Variants in SPDYE10 observed in about 807,000 individuals in gnomAD.
SPDYE10 encodes the protein speedy protein E10.
the SPDYE10 span, among the ~76,000 whole-genome samples, chr7:73,113,710 A>G: frequency 6.6e-6 from 1 of 152,072 alleles, no homozygotes; most frequent in African/African-American, 2.4e-5. Flanking sequence ...CCTGGCCAAC[A>G]TGGTGAAACC....
the SPDYE10 span, among the ~76,000 whole-genome samples, chr7:73,123,130 C>G: frequency 6.6e-6 from 1 of 152,166 alleles, no homozygotes; most frequent in African/African-American, 2.4e-5. Context: ...AATAGGAACT[C>G]TGGCTTCTGG....
chr7:73,134,413 C>G, the SPDYE10 span, among the ~76,000 whole-genome samples: 1 of 149,924 alleles, frequency 6.7e-6, no homozygotes, highest in Non-Finnish European at 1.5e-5. Context: ...GGAGATATAC[C>G]CAATGTAAAT....
chr7:73,127,638 TAAAA>T, the SPDYE10 span, among the ~76,000 whole-genome samples: 1 of 64,358 alleles, frequency 1.6e-5, no homozygotes, highest in African/African-American at 4.9e-5. Flanking sequence ...GGAAGACAAT[TAAAA>T]AAAAAAAAAA....
the SPDYE10 span, among the ~76,000 whole-genome samples, chr7:73,124,108 T>A: frequency 6.8e-5 from 10 of 148,012 alleles, no homozygotes; most frequent in South Asian, 1.9e-3. Context: ...GCAGCCTTCC[T>A]GTCCATATCT....
chr7:73,127,455 A>G, the SPDYE10 span, among the ~76,000 whole-genome samples: 1 of 111,216 alleles, frequency 9.0e-6, no homozygotes, highest in Admixed American at 9.0e-5. Context: ...GCTGCTTGGG[A>G]GGCTGAGGCA....
chr7:73,151,986 CTTTT>C, the SPDYE10 span, among the ~76,000 whole-genome samples: 1 of 134,082 alleles, frequency 7.5e-6, no homozygotes, highest in African/African-American at 3.0e-5. Context: ...GTTTCACCTG[CTTTT>C]TTTTATTGTT....
the SPDYE10 span, among the ~76,000 whole-genome samples, chr7:73,117,078 T>TTTG: frequency 6.9e-6 from 1 of 145,484 alleles, no homozygotes; most frequent in Admixed American, 6.8e-5. Flanking sequence ...GGTTTTTTTT[T>TTTG]TTGTTGTTGT....
At chr7:73,143,026 G>A in the SPDYE10 span, among the ~76,000 whole-genome samples, 7 of 146,432 alleles carry the variant, frequency 4.8e-5, no homozygotes, top group African/African-American at 1.0e-4. Context: ...AAGGAAGGAA[G>A]GAAGGAAAGA....
At chr7:73,131,396 A>T in the SPDYE10 span, among the ~76,000 whole-genome samples, 13 of 150,778 alleles carry the variant, frequency 8.6e-5, no homozygotes, top group South Asian at 2.1e-4. Context: ...GGATATTGGG[A>T]GAAGGAGTTC....
the SPDYE10 span, chr7:73,155,128 G>C: frequency 7.3e-6 from 1 of 137,216 alleles, no homozygotes; most frequent in African/African-American, 2.8e-5. Flanking sequence ...CCGAGCTCCC[G>C]GGTCTCCGGG....
the SPDYE10 span, among the ~76,000 whole-genome samples, chr7:73,115,144 C>T: frequency 3.9e-5 from 6 of 151,986 alleles, no homozygotes; most frequent in South Asian, 2.1e-4. Flanking sequence ...GAACCACCCG[C>T]CTCAGCCTCC....
chr7:73,137,687 G>A, the SPDYE10 span, among the ~76,000 whole-genome samples: 14 of 52,364 alleles, frequency 2.7e-4, no homozygotes, highest in East Asian at 6.3e-4. Context: ...GGGGAGGGGA[G>A]GGAGAGGGGA....
the SPDYE10 span, chr7:73,155,002 C>G: frequency 6.2e-6 from 1 of 161,290 alleles, no homozygotes; most frequent in Non-Finnish European, 1.3e-5. Flanking sequence ...CTCGGCCCCT[C>G]GGCTGCTGCT....
the SPDYE10 span, among the ~76,000 whole-genome samples, chr7:73,140,904 A>G: frequency 6.7e-6 from 1 of 150,000 alleles, no homozygotes; most frequent in African/African-American, 2.4e-5. Flanking sequence ...TACAGGTGTG[A>G]GCCACCTCAC....
the SPDYE10 span, among the ~76,000 whole-genome samples, chr7:73,138,131 G>A: frequency 6.6e-6 from 1 of 152,270 alleles, no homozygotes; most frequent in East Asian, 1.9e-4. Flanking sequence ...ACAGGAGCTG[G>A]GGTGGGTAAT....
chr7:73,143,306 T>C, the SPDYE10 span, among the ~76,000 whole-genome samples: 4 of 152,030 alleles, frequency 2.6e-5, no homozygotes, highest in African/African-American at 9.7e-5. Flanking sequence ...CTGCAGGCTG[T>C]ACAAGAAGCA....
At chr7:73,123,992 G>A in the SPDYE10 span, among the ~76,000 whole-genome samples, 1 of 150,776 alleles carries the variant, frequency 6.6e-6, no homozygotes, top group African/African-American at 2.5e-5. Flanking sequence ...TGCCCAGGCT[G>A]GTCTCAAGCA....
chr7:73,131,215 A>G, the SPDYE10 span, among the ~76,000 whole-genome samples: 2 of 140,202 alleles, frequency 1.4e-5, no homozygotes, highest in African/African-American at 5.9e-5. Context: ...AAAAAAAAAA[A>G]AAAAAAGGTG....
the SPDYE10 span, among the ~76,000 whole-genome samples, chr7:73,124,740 A>G: frequency 5.5e-5 from 8 of 145,186 alleles, no homozygotes; most frequent in African/African-American, 1.8e-4. Flanking sequence ...CCTGGCCAAC[A>G]TGGTGAAACC....
Sources: gnomAD v4.1 joint callset for allele counts (sites outside exome capture counted in the v4.1 genomes callset) on GRCh38, gnomAD v4.1.1 for gene constraint, MANE v1.5 for transcripts, NCBI Gene and HGNC (gene_info 2026-07-23, HGNC 2026-07-21) for gene names.